The following STK3 variants were observed in gnomAD, a reference collection of about 807,000 sequenced individuals.
STK3 encodes the protein serine/threonine-protein kinase 3.
STK3 carries 41 observed loss-of-function variants against 58.0 expected under a neutral mutation model. The observed-to-expected ratio is 0.71, with a 90% CI of 0.55 to 0.92. The LOEUF (loss-of-function observed/expected upper bound fraction) is 0.92, where lower values mean the gene tolerates loss of function less well. Among genes scored for constraint, STK3 ranks in the 40% least tolerant of loss-of-function variants. The pLI, the probability that STK3 is intolerant of heterozygous loss-of-function variation, is 0.00. For missense variants in STK3, 479 were observed against 602.7 expected (o/e 0.79, Z 2.15); for synonymous variants, 170 against 191.0 (o/e 0.89, Z 0.91).
chr8:98,416,993 C>T lies in STK3; in HGVS notation n.484-15480G>A, dbSNP rs376343034. Among the ~76,000 whole-genome samples, 19 of 152,294 alleles carry T rather than the reference C, an allele frequency of 1.2e-4. 1 individual carries two copies. The East Asian group carries it at 3.7e-3, about 29-fold the overall frequency. On this transcript the variant is annotated intron_variant and non_coding_transcript_variant, in intron 3 of 3. Transcript: ENST00000517832. ...CCAGATGGCAGAATCCAGGGGACTC[C>T]TCCTGAGAACAGCTGTGACCCTTCC...
chr8:98,655,561 G>T (rs977115051), intron 6 of STK3, among the ~76,000 whole-genome samples: 7 of 151,564 alleles, frequency 4.6e-5, no homozygotes, highest in African/African-American at 1.7e-4. Flanking sequence ...CTACAACATG[G>T]GAGAAAATTT....
chr8:98,579,770 G>C lies in STK3; in HGVS notation c.842C>G (p.Ala281Gly). The change falls in exon 8 of 11, where the codon GCC becomes GGC. Residue 281 changes from alanine (A) to glycine (G), a missense_variant. Coordinates refer to ENST00000419617, the MANE Select transcript of STK3 (RefSeq NM_006281.4). Reference sequence around the variant, plus strand: ...GTCTCTTAATATTGATACAGGTTTGGCATTCTTGATAAAAGGATGCTAAAA... The same window carrying C: ...GTCTCTTAATATTGATACAGGTTTGCCATTCTTGATAAAAGGATGCTAAAA... ...QLLQHPFIKN[A>G]KPVSILRDLI... The C allele has an allele frequency of 6.3e-7, 1 of 1,575,116 alleles. No individual in the cohort carries two copies. The highest frequency in any genetic ancestry group is 1.2e-5 in the South Asian group (1 of 82,330).
intron 1 of STK3, among the ~76,000 whole-genome samples, chr8:98,933,858 G>A (rs1011533832): frequency 6.6e-6 from 1 of 152,192 alleles, no homozygotes; most frequent in Admixed American, 6.5e-5. Flanking sequence ...AATAGAGCCT[G>A]TAAGTATTAA....
At chr8:98,473,554 G>A (rs1204173781) in intron 10 of STK3, among the ~76,000 whole-genome samples, 1 of 152,038 alleles carries the variant, frequency 6.6e-6, no homozygotes, top group Non-Finnish European at 1.5e-5. Flanking sequence ...ATTTTAAATT[G>A]GCAATCAAAC....
intron 10 of STK3, among the ~76,000 whole-genome samples, chr8:98,471,202 T>C (rs948691239): frequency 1.3e-5 from 2 of 152,048 alleles, no homozygotes; most frequent in Admixed American, 6.5e-5. Flanking sequence ...TCTACAGATA[T>C]GAATAGTGGC....
chr8:98,439,548 T>C (rs894898655), intron 1 of STK3, among the ~76,000 whole-genome samples: 1 of 152,046 alleles, frequency 6.6e-6, no homozygotes, highest in Non-Finnish European at 1.5e-5. Flanking sequence ...AGTTCCCAGG[T>C]GAATAATGTC....
intron 6 of STK3, among the ~76,000 whole-genome samples, chr8:98,704,294 C>T (rs1382435349): frequency 6.6e-6 from 1 of 152,134 alleles, no homozygotes; most frequent in Non-Finnish European, 1.5e-5. Context: ...GCTTCCAATA[C>T]TTGCAGTTCA....
intron 10 of STK3, among the ~76,000 whole-genome samples, chr8:98,460,597 G>A (rs7831149): frequency 0.014 from 2,139 of 152,332 alleles, 49 homozygotes; most frequent in African/African-American, 0.049. Context: ...ATCTTGAAGT[G>A]TAATCTCCAT....
chr8:98,677,936 G>T (rs1374115762), intron 6 of STK3, among the ~76,000 whole-genome samples: 1 of 152,192 alleles, frequency 6.6e-6, no homozygotes, highest in Non-Finnish European at 1.5e-5. Context: ...GGCAACAGAA[G>T]TATGCTTCCC....
chr8:98,363,251 C>A, the STK3 span, among the ~76,000 whole-genome samples: 6 of 152,296 alleles, frequency 3.9e-5, no homozygotes, highest in South Asian at 8.3e-4. Context: ...TGGCACCCAG[C>A]TCAATGCCAG....
At chr8:98,782,085 C>A (rs972605398) in intron 1 of STK3, 5 of 234,828 alleles carry the variant, frequency 2.1e-5, no homozygotes, top group Non-Finnish European at 4.3e-5. Context: ...TAGTGTCCTC[C>A]GCTGTGGCAA....
intron 1 of STK3, among the ~76,000 whole-genome samples, chr8:98,782,977 C>T (rs1000462770): frequency 2.7e-5 from 4 of 148,968 alleles, no homozygotes; most frequent in Non-Finnish European, 5.9e-5. Context: ...GCATCAAATT[C>T]AACAAATTTG....
intron 1 of STK3, chr8:98,905,517 A>G (rs1439857698): frequency 8.0e-6 from 9 of 1,118,416 alleles, no homozygotes; most frequent in Non-Finnish European, 1.1e-5. Context: ...CAAGTTGTGT[A>G]TGGTATCCTC....
chr8:98,844,197 G>A (rs1836106804), intron 3 of STK3, among the ~76,000 whole-genome samples: 1 of 152,118 alleles, frequency 6.6e-6, no homozygotes, highest in Admixed American at 6.5e-5. Context: ...AAAAAATTGT[G>A]AGCCACTATG....
At chr8:98,698,639 A>T (rs1825222069) in intron 6 of STK3, among the ~76,000 whole-genome samples, 1 of 152,182 alleles carries the variant, frequency 6.6e-6, no homozygotes, top group Admixed American at 6.5e-5. Context: ...GTTTGGCTGG[A>T]TATGAAATTC....
chr8:98,436,062 T>C (rs1234828991), intron 2 of STK3, among the ~76,000 whole-genome samples: 1 of 152,284 alleles, frequency 6.6e-6, no homozygotes, highest in East Asian at 1.9e-4. Flanking sequence ...GCTTTCCTAA[T>C]AGCCAAATTC....
At chr8:98,550,266 G>A (rs890644925) in intron 8 of STK3, among the ~76,000 whole-genome samples, 5 of 151,954 alleles carry the variant, frequency 3.3e-5, no homozygotes, top group Admixed American at 1.3e-4. Context: ...TCTCAAAGTC[G>A]TTTGCACTTC....
the STK3 span, among the ~76,000 whole-genome samples, chr8:98,348,026 G>A: frequency 3.9e-5 from 6 of 152,108 alleles, no homozygotes; most frequent in African/African-American, 9.7e-5. Context: ...ATAAATCTAC[G>A]ATAATCAAGA....
intron 6 of STK3, among the ~76,000 whole-genome samples, chr8:98,630,797 A>G (rs1164341643): frequency 2.1e-5 from 3 of 144,918 alleles, no homozygotes; most frequent in East Asian, 1.9e-4. Context: ...AAGAGGAAGA[A>G]GAGGAAGAGG....
Sources: gnomAD v4.1 joint callset for allele counts (sites outside exome capture counted in the v4.1 genomes callset) on GRCh38, gnomAD v4.1.1 for gene constraint, MANE v1.5 for transcripts, NCBI Gene and HGNC (gene_info 2026-07-23, HGNC 2026-07-21) for gene names.